KCNJ15: variants seen among roughly 807,000 people sequenced by gnomAD.
The protein encoded by KCNJ15 is ATP-sensitive inward rectifier potassium channel 15.
A neutral mutation model predicts 23.0 loss-of-function variants in KCNJ15; 14 were observed. That is an observed-to-expected ratio of 0.61 (90% CI 0.40 to 0.95). KCNJ15 has a LOEUF of 0.95. KCNJ15 is among the 40% of genes least tolerant of loss of function. KCNJ15 has a pLI of 0.00. For synonymous variants in KCNJ15, 185 were observed against 183.2 expected, an observed-to-expected ratio of 1.01 and a Z score of -0.08; for missense variants, 388 against 461.8, an observed-to-expected ratio of 0.84 and a Z score of 1.46.
chr21:38,293,632 A>G (rs182823127), intron 1 of KCNJ15, among the ~76,000 whole-genome samples: 1 of 152,328 alleles, frequency 6.6e-6, no homozygotes, highest in East Asian at 1.9e-4. Flanking sequence ...TTCCCCTGAA[A>G]TCCTGATAAT....
rs554294939 is a variant in KCNJ15 at position 38,304,550 on chromosome 21, C to G, written c.*4161C>G. The G allele has an allele frequency of 6.0e-5, 9 of 149,734 alleles. No homozygotes were observed. Among genetic ancestry groups the G allele is most frequent in the African/African-American group, 2.2e-4 (9 of 41,032 alleles). 9.3% of individuals were successfully genotyped at this position (149,734 alleles called of 1,614,324 possible). A position where few individuals can be genotyped will look rare whatever the true frequency, so the allele number is the denominator to read the frequency against. Reference sequence around the variant, plus strand: ...AAACTCTGGGTAGGTACAAGAGGCTCTTAATTTTCTTCCTCCCAGGAGGAC... The same window carrying G: ...AAACTCTGGGTAGGTACAAGAGGCTGTTAATTTTCTTCCTCCCAGGAGGAC... On this transcript the variant is annotated 3_prime_UTR_variant, in exon 3 of 3. Transcript: ENST00000398938.
intron 1 of KCNJ15, among the ~76,000 whole-genome samples, chr21:38,281,089 G>A (rs1450567291): frequency 1.3e-5 from 2 of 152,134 alleles, no homozygotes; most frequent in East Asian, 3.8e-4. Flanking sequence ...ACCTACTGCA[G>A]ACCTTTTGAA....
chr21:38,235,661 C>G (rs1429613520), intron 1 of KCNJ15, among the ~76,000 whole-genome samples: 1 of 152,218 alleles, frequency 6.6e-6, no homozygotes, highest in Non-Finnish European at 1.5e-5. Context: ...AGTGCCACAG[C>G]AAGAGCTCAG....
In KCNJ15 at chr21:38,299,712, G is replaced by T. The variant is rs777684658; in HGVS notation, c.451G>T (p.Val151Phe). The T allele has an allele frequency of 1.2e-6, 2 of 1,614,072 alleles. No individual in the cohort carries two copies. The highest frequency in any genetic ancestry group is 2.2e-5 in the East Asian group (1 of 44,870). Reference sequence around the variant, plus strand: ...CATCTTCCTGTTGGTTGCTCAGTTGGTCATCACGACCTTGATTGAGATCTT... The same window carrying T: ...CATCTTCCTGTTGGTTGCTCAGTTGTTCATCACGACCTTGATTGAGATCTT... ...HAIFLLVAQLVITTLIEIFIT... is the reference protein window; with the variant it reads ...HAIFLLVAQLFITTLIEIFIT... Residue 151 changes from valine to phenylalanine, a missense_variant, in exon 3 of 3, where the codon GTC becomes TTC. Coordinates refer to ENST00000398938, the MANE Select transcript of KCNJ15 (RefSeq NM_170736.3). The surrounding 1 kb of genome is among the most constrained non-coding windows in gnomAD (Gnocchi z 4.5).
intron 1 of KCNJ15, among the ~76,000 whole-genome samples, chr21:38,271,001 A>ACG (rs1449408913): frequency 7.9e-6 from 1 of 125,952 alleles, no homozygotes; most frequent in East Asian, 2.4e-4. Context: ...AGTGGCAACA[A>ACG]CACTGATCTG....
chr21:38,234,763 C>T (rs1162368710), intron 1 of KCNJ15, among the ~76,000 whole-genome samples: 3 of 152,208 alleles, frequency 2.0e-5, no homozygotes, highest in Admixed American at 6.5e-5. Flanking sequence ...TGCATAAAGA[C>T]ATCTTTTTTC....
chr21:38,235,441 C>G (rs897651897), intron 1 of KCNJ15, among the ~76,000 whole-genome samples: 1 of 152,106 alleles, frequency 6.6e-6, no homozygotes, highest in Non-Finnish European at 1.5e-5. Context: ...GTAATCCCAG[C>G]TACTCAGGAG....
In KCNJ15 at chr21:38,274,187, G is replaced by A. The variant is rs527399087; in HGVS notation, c.-117+17002G>A. Reference sequence around the variant, plus strand: ...AGTCATGTTAGGTGTAAGCAAAGACGTGAACTAGTGTTCATGCTTGAAAAC... The same window carrying A: ...AGTCATGTTAGGTGTAAGCAAAGACATGAACTAGTGTTCATGCTTGAAAAC... On this transcript the variant is annotated intron_variant, in intron 1 of 2. Coordinates refer to ENST00000398938, the MANE Select transcript of KCNJ15 (RefSeq NM_170736.3). Among the ~76,000 whole-genome samples, 9 of 152,330 alleles carry A rather than the reference G, an allele frequency of 5.9e-5. No homozygotes were observed. The South Asian group carries it at 1.2e-3, about 21-fold the overall frequency.
At chr21:38,277,864 G>A (rs949991243) in intron 1 of KCNJ15, among the ~76,000 whole-genome samples, 58 of 152,214 alleles carry the variant, frequency 3.8e-4, no homozygotes, top group Middle Eastern at 3.4e-3. Context: ...ATTAATCCAC[G>A]GATTAAGTCA....
chr21:38,255,653 A>G (rs1321396134), upstream of KCNJ15, among the ~76,000 whole-genome samples: 3 of 152,160 alleles, frequency 2.0e-5, no homozygotes, highest in African/African-American at 7.2e-5. Context: ...CTGAGCTTTG[A>G]GTCAGCAGGG....
chr21:38,256,751 A>T (rs1486347600), upstream of KCNJ15: 2 of 152,126 alleles, frequency 1.3e-5, no homozygotes, highest in Non-Finnish European at 2.9e-5. Flanking sequence ...AGGTGTTTGG[A>T]GAGCCCGGAC....
intron 1 of KCNJ15, among the ~76,000 whole-genome samples, chr21:38,236,035 A>G (rs966066194): frequency 2.0e-5 from 3 of 152,162 alleles, no homozygotes; most frequent in Admixed American, 6.5e-5. Flanking sequence ...CCTTTTGCCC[A>G]TAGACTTTTT....
intron 1 of KCNJ15, among the ~76,000 whole-genome samples, chr21:38,282,701 T>A (rs1007840454): frequency 1.3e-5 from 2 of 152,116 alleles, no homozygotes; most frequent in African/African-American, 4.8e-5. Context: ...GAATGGCATC[T>A]CTGCCCACCG....
intron 1 of KCNJ15, among the ~76,000 whole-genome samples, chr21:38,288,087 C>G (rs1160376557): frequency 9.3e-6 from 1 of 107,504 alleles, no homozygotes; most frequent in Non-Finnish European, 1.7e-5. Context: ...GTTGCCCAGG[C>G]TGGAGTGCAG....
At chr21:38,230,549 T>A (rs994166948) in intron 1 of KCNJ15, among the ~76,000 whole-genome samples, 20 of 152,168 alleles carry the variant, frequency 1.3e-4, no homozygotes, top group African/African-American at 4.8e-4. Context: ...TTGTCCAAAT[T>A]ATCTATTTTT....
chr21:38,268,550 G>GGA (rs758290326), intron 1 of KCNJ15, among the ~76,000 whole-genome samples: 30 of 47,234 alleles, frequency 6.4e-4, no homozygotes, highest in Non-Finnish European at 1.5e-3. Context: ...CTTAAAATCT[G>GGA]AAAAAAAAAA....
chr21:38,243,641 C>T (rs970342905), intron 1 of KCNJ15, among the ~76,000 whole-genome samples: 5 of 152,136 alleles, frequency 3.3e-5, no homozygotes, highest in African/African-American at 1.2e-4. Flanking sequence ...AGGCTGGTCT[C>T]GAGCTCCTGA....
At position 38,307,279 on chromosome 21, in the gene KCNJ15, T is replaced by G. The variant is rs1240229719; in HGVS notation, c.*6890T>G. 6.6e-6 allele frequency: 1 copy of G among 152,072 alleles called. No individual in the cohort carries two copies. The highest frequency in any genetic ancestry group is 1.5e-5 in the Non-Finnish European group (1 of 67,998). 9.4% of individuals were successfully genotyped at this position (152,072 alleles called of 1,614,324 possible). A position where few individuals can be genotyped will look rare whatever the true frequency, so the allele number is the denominator to read the frequency against. On this transcript the variant is annotated 3_prime_UTR_variant, in exon 3 of 3. Transcript: ENST00000398938. Reference sequence around the variant, plus strand: ...TTCCATATGTGTCTCCATCACCTTTTTTTTCTCTCCGGATAAATGGAATTA... The same window carrying G: ...TTCCATATGTGTCTCCATCACCTTTGTTTTCTCTCCGGATAAATGGAATTA...
At chr21:38,265,285 C>T (rs1981342816) in intron 1 of KCNJ15, among the ~76,000 whole-genome samples, 1 of 152,208 alleles carries the variant, frequency 6.6e-6, no homozygotes, top group Non-Finnish European at 1.5e-5. Context: ...TGATTACAAT[C>T]AAGCGAATTT....
Sources: gnomAD v4.1 joint callset for allele counts (sites outside exome capture counted in the v4.1 genomes callset) on GRCh38, gnomAD v4.1.1 for gene constraint, Gnocchi (gnomAD v3.1) non-coding constraint, MANE v1.5 for transcripts, NCBI Gene and HGNC (gene_info 2026-07-23, HGNC 2026-07-21) for gene names.